Variants in ATP6V1B2 observed in about 807,000 individuals in gnomAD.
The protein encoded by ATP6V1B2 is ATPase H+ transporting V1 subunit B2.
Under a neutral mutation model 66.7 loss-of-function variants are expected in ATP6V1B2, and 23 were observed. The observed-to-expected ratio is 0.34, with a 90% CI of 0.25 to 0.49. The LOEUF (loss-of-function observed/expected upper bound fraction) is 0.49. Among genes scored for constraint, ATP6V1B2 ranks in the 20% least tolerant of loss-of-function variants. The pLI is 0.99. For synonymous variants in ATP6V1B2, 278 were observed against 236.7 expected (o/e 1.17, Z -1.60); for missense variants, 478 against 650.8 (o/e 0.73, Z 2.89).
Position 20,210,590 on chromosome 8 carries a change from G to A in ATP6V1B2, c.407G>A (p.Gly136Glu). The change falls in exon 5 of 14, where the codon GGA becomes GAA. Residue 136 changes from glycine (G) to glutamate (E), a missense_variant. Coordinates refer to ENST00000276390, the MANE Select transcript of ATP6V1B2 (RefSeq NM_001693.4). ...CTAGGTCGGGTATTCAATGGATCGG[G>A]AAAACCCATTGACAGAGGTCCTGTT... Reference protein sequence around the residue: ...DMLGRVFNGSGKPIDRGPVVL... With the variant: ...DMLGRVFNGSEKPIDRGPVVL... 1 of 1,613,786 alleles carries A rather than the reference G, an allele frequency of 6.2e-7. No homozygotes were observed. Among genetic ancestry groups the A allele is most frequent in the East Asian group, 2.2e-5 (1 of 44,856 alleles).
At chr8:20,197,817 T>G (rs1438343014) in intron 1 of ATP6V1B2, among the ~76,000 whole-genome samples, 2 of 152,138 alleles carry the variant, frequency 1.3e-5, no homozygotes, top group Non-Finnish European at 2.9e-5. Flanking sequence ...CCAGCTTCCC[T>G]AGGCTGGAGC....
rs2072780596 is a variant in ATP6V1B2 at position 20,210,357 on chromosome 8, G to A, written c.303G>A (p.Gly101=). 1 of 1,612,540 alleles carries A rather than the reference G, an allele frequency of 6.2e-7. No homozygotes were observed. The highest frequency in any genetic ancestry group is 8.5e-7 in the Non-Finnish European group (1 of 1,179,192). Residue 101 remains glycine (G), a synonymous_variant, in exon 4 of 14, where the codon GGG becomes GGA. Transcript: ENST00000276390. ...CTTTTTCTTGATAGGTATTTGAAGG[G>A]ACTTCAGGTATAGATGCTAAGAAAA... ...GSKAVVQVFE[G]TSGIDAKKTS...
chr8:20,213,059 G>A (rs745692521), intron 9 of ATP6V1B2, 154 bp downstream of exon 9: 266 of 1,054,066 alleles, frequency 2.5e-4, no homozygotes, highest in Non-Finnish European at 3.4e-4. Flanking sequence ...AAACTACTTC[G>A]TTTTTGTCAA....
intron 1 of ATP6V1B2, among the ~76,000 whole-genome samples, chr8:20,200,147 C>T (rs985169219): frequency 5.3e-5 from 8 of 151,870 alleles, no homozygotes; most frequent in African/African-American, 1.9e-4. Flanking sequence ...GGACTACAGA[C>T]GGACACCACT....
intron 9 of ATP6V1B2, chr8:20,213,377 G>A (rs751991872): frequency 1.1e-5 from 2 of 176,576 alleles, no homozygotes; most frequent in Non-Finnish European, 1.2e-5. Context: ...GGCTGGGCAC[G>A]GTAGCTCATT....
At chr8:20,216,782 C>G (rs529813696) in intron 11 of ATP6V1B2, 8 of 287,354 alleles carry the variant, frequency 2.8e-5, no homozygotes, top group African/African-American at 1.7e-4. Flanking sequence ...ATCTACCAAT[C>G]TTGTTATTGA....
At chr8:20,218,322 A>G (rs1554546278) in intron 13 of ATP6V1B2, 40 bp downstream of exon 13, 3 of 1,593,654 alleles carry the variant, frequency 1.9e-6, no homozygotes, top group Non-Finnish European at 2.6e-6. Context: ...AAAGCCTCAT[A>G]TGTAATTTTG....
chr8:20,203,900 C>T (rs2072711874), intron 1 of ATP6V1B2: 1 of 442,444 alleles, frequency 2.3e-6, no homozygotes, highest in Non-Finnish European at 4.5e-6. Context: ...CTCCGTCCTT[C>T]AGAAGCTCTT....
rs2072781456 is a variant in ATP6V1B2 at position 20,210,451 on chromosome 8, T to C, written c.385+12T>C. On this transcript the variant is annotated intron_variant, in intron 4 of 13. Coordinates refer to ENST00000276390, the MANE Select transcript of ATP6V1B2 (RefSeq NM_001693.4). ...TGAGGATATGCTTGGTAAATGGATATTATTCATTCTAAGCCGAGATCTGTT... is the reference window on the plus strand; with the variant it reads ...TGAGGATATGCTTGGTAAATGGATACTATTCATTCTAAGCCGAGATCTGTT... 1.1e-5 allele frequency: 18 copies of C among 1,609,404 alleles called. No individual in the cohort carries two copies. The highest frequency in any genetic ancestry group is 1.6e-4 in the Middle Eastern group (1 of 6,068).
At chr8:20,198,267 T>C (rs2128884132) in intron 1 of ATP6V1B2, among the ~76,000 whole-genome samples, 1 of 152,356 alleles carries the variant, frequency 6.6e-6, no homozygotes, top group African/African-American at 2.4e-5. Context: ...GGTTCTTAAA[T>C]TCTCGCTGGG....
intron 10 of ATP6V1B2, chr8:20,216,120 C>T (rs1342467854): frequency 9.3e-6 from 2 of 215,854 alleles, no homozygotes; most frequent in Non-Finnish European, 1.9e-5. Flanking sequence ...TGCCGCTAGC[C>T]ACATTTGGCT....
At chr8:20,214,580 C>A (rs923635328) in intron 9 of ATP6V1B2, 7 of 336,008 alleles carry the variant, frequency 2.1e-5, no homozygotes, top group Non-Finnish European at 3.2e-5. Flanking sequence ...TGAAAACTTA[C>A]ATTATGGCAA....
At chr8:20,204,229 G>A in intron 1 of ATP6V1B2, 1 of 468,698 alleles carries the variant, frequency 2.1e-6, no homozygotes, top group Non-Finnish European at 3.9e-6. Flanking sequence ...TCTGTGTCTT[G>A]TTTTTGTATG....
In ATP6V1B2 at chr8:20,197,451, C is replaced by G. The variant is rs1226465034; in HGVS notation, c.45C>G (p.Pro15=). The G allele has an allele frequency of 6.5e-7, 1 of 1,541,618 alleles. No individual in the cohort carries two copies. The highest frequency in any genetic ancestry group is 8.7e-7 in the Non-Finnish European group (1 of 1,144,666). The stretch of plus-strand genomic sequence containing the variant: ...GGGGGATTGTCAACGGGGCCGCACC[C>G]GAGCTACCCGTGCCCACCGGTGGGC... ...AMRGIVNGAA[P]ELPVPTGGPA... is the part of the protein sequence containing the mutation. Residue 15 remains proline (P), a synonymous_variant, in exon 1 of 14, where the codon CCC becomes CCG. Coordinates refer to ENST00000276390, the MANE Select transcript of ATP6V1B2 (RefSeq NM_001693.4).
rs185914842 is a variant in ATP6V1B2 at position 20,217,411 on chromosome 8, C to G, written c.1266+87C>G. 1.8e-5 allele frequency: 21 copies of G among 1,159,032 alleles called. No homozygotes were observed. The East Asian group carries it at 4.5e-4, about 25-fold the overall frequency. The allele number at this position is 1,159,032 out of a possible 1,614,324, so 71.8% of individuals were successfully genotyped here. On this transcript the variant is annotated intron_variant, in intron 12 of 13. Coordinates refer to ENST00000276390, the MANE Select transcript of ATP6V1B2 (RefSeq NM_001693.4). ...CTCTTGTCTTTCACCCTTACCACTT[C>G]TCTCTTCCCCATCCACATGGAATTT...
chr8:20,205,675 A>G (rs1284899232), intron 2 of ATP6V1B2, among the ~76,000 whole-genome samples: 1 of 152,232 alleles, frequency 6.6e-6, no homozygotes, highest in African/African-American at 2.4e-5. Context: ...CATAAAACAT[A>G]TAGGATCAAG....
chr8:20,205,479 G>C (rs2072729525), intron 2 of ATP6V1B2, among the ~76,000 whole-genome samples: 1 of 152,180 alleles, frequency 6.6e-6, no homozygotes, highest in South Asian at 2.1e-4. Context: ...ATACTGGGAA[G>C]GACTTAGAAA....
At position 20,200,799 on chromosome 8, in the gene ATP6V1B2, C is replaced by G. The variant is rs370005378; in HGVS notation, c.136+3257C>G. Reference sequence around the variant, plus strand: ...AGTCAAAATAGGAATCTTCTCCTTGCTTTTTTCCTAGAACCTCTTCTTCAG... The same window carrying G: ...AGTCAAAATAGGAATCTTCTCCTTGGTTTTTTCCTAGAACCTCTTCTTCAG... On this transcript the variant is annotated intron_variant, in intron 1 of 13. Transcript: ENST00000276390. Among the ~76,000 whole-genome samples the G allele has an allele frequency of 9.2e-5, 14 of 152,328 alleles. No homozygotes were observed. The East Asian group carries it at 9.7e-4, about 11-fold the overall frequency.
intron 10 of ATP6V1B2, 124 bp from the exon 11 acceptor site, chr8:20,216,287 ACT>A (rs1247014625): frequency 1.4e-6 from 1 of 704,098 alleles, no homozygotes; most frequent in African/African-American, 1.8e-5. Context: ...CTCTAAGAAC[ACT>A]CTTCTAAGTA....
Sources: allele counts gnomAD v4.1 joint callset (sites outside exome capture counted in the v4.1 genomes callset), GRCh38; gene constraint gnomAD v4.1.1; transcripts MANE v1.5; gene names NCBI Gene and HGNC (gene_info 2026-07-23, HGNC 2026-07-21).